Variants in ZNF331 observed in about 807,000 individuals in gnomAD.
The protein encoded by ZNF331 is C2H2-like zinc finger protein rearranged in thyroid adenomas.
Under a neutral mutation model 7.0 loss-of-function variants are expected in ZNF331, and 2 were observed. The ratio of observed to expected loss-of-function variants is 0.29; its 90% CI spans 0.12 to 0.90. The LOEUF is 0.90. Among genes scored for constraint, ZNF331 ranks in the 40% least tolerant of loss-of-function variants. The pLI is 0.58. For synonymous variants in ZNF331, 196 were observed against 205.4 expected (o/e 0.95, Z 0.39); for missense variants, 432 against 587.7 (o/e 0.74, Z 2.74).
At position 53,560,636 on chromosome 19, in the gene ZNF331, A is replaced by G. The variant is rs1207003654; in HGVS notation, c.-74+4728A>G. Among the ~76,000 whole-genome samples, 1 of 152,164 alleles carries G rather than the reference A, an allele frequency of 6.6e-6. No homozygotes were observed. The highest frequency in any genetic ancestry group is 1.9e-4 in the East Asian group (1 of 5,194). On this transcript the variant is annotated intron_variant, in intron 3 of 5. Transcript: ENST00000449416. This position sits in a 1 kb window ranked among gnomAD's most constrained non-coding sequence, Gnocchi z 4.3. ...AAGTGGGTCTCACCGGGCTAAAACC[A>G]GGTTGTTGGAGGCTGTAGGAGATAT...
At chr19:53,570,089 G>A (rs1449615378) in intron 4 of ZNF331, among the ~76,000 whole-genome samples, 1 of 151,904 alleles carries the variant, frequency 6.6e-6, no homozygotes, top group Non-Finnish European at 1.5e-5. Context: ...AACCTCATCT[G>A]TACTAAAAAT....
chr19:53,572,550 TTATA>T (rs149296492), intron 5 of ZNF331, among the ~76,000 whole-genome samples: 1 of 105,802 alleles, frequency 9.5e-6, no homozygotes, highest in South Asian at 2.4e-4. Flanking sequence ...CACATATATA[TTATA>T]TATACACACA....
At chr19:53,506,324 G>C in the ZNF331 span, among the ~76,000 whole-genome samples, 1 of 82,536 alleles carries the variant, frequency 1.2e-5, no homozygotes, top group Non-Finnish European at 2.4e-5. Context: ...GACAGAGCGA[G>C]ACTCCGTCTC....
At chr19:53,506,118 G>A in the ZNF331 span, among the ~76,000 whole-genome samples, 2 of 151,370 alleles carry the variant, frequency 1.3e-5, no homozygotes, top group East Asian at 2.0e-4. Context: ...GGTGGATCAC[G>A]AGGTCAGGAG....
chr19:53,571,409 G>A lies in ZNF331; in HGVS notation c.10-195G>A, dbSNP rs904426913. Among the ~76,000 whole-genome samples the A allele has an allele frequency of 4.6e-5, 7 of 152,086 alleles. No homozygotes were observed. The highest frequency in any genetic ancestry group is 7.4e-5 in the Non-Finnish European group (5 of 68,020). ...ACAGTAAAGTCATTTTCTCTGCAGC[G>A]GTAGAGCTCTTCAGTGACATGCAGG... On this transcript the variant is annotated intron_variant, in intron 4 of 5. Transcript: ENST00000449416. The surrounding 1 kb of genome is among the most constrained non-coding windows in gnomAD (Gnocchi z 4.7).
intron 3 of ZNF331, among the ~76,000 whole-genome samples, chr19:53,564,079 T>C (rs1345675461): frequency 7.1e-6 from 1 of 140,174 alleles, no homozygotes; most frequent in East Asian, 2.0e-4. Context: ...GCATTCTTTT[T>C]TTTTTTTTTT....
chr19:53,526,002 T>C (rs180971650), intron 2 of ZNF331, among the ~76,000 whole-genome samples: 61 of 152,384 alleles, frequency 4.0e-4, no homozygotes, highest in Admixed American at 3.6e-3. Context: ...TTGAATTTTG[T>C]CAGATGCTTT....
chr19:53,516,011 A>G (rs1401227015), upstream of ZNF331, among the ~76,000 whole-genome samples: 1 of 152,228 alleles, frequency 6.6e-6, no homozygotes, highest in Non-Finnish European at 1.5e-5. Context: ...AAAAGCTGGT[A>G]GATGTTATGC....
At chr19:53,534,154 A>G (rs1437709053), upstream of ZNF331, among the ~76,000 whole-genome samples, 2 of 152,178 alleles carry the variant, frequency 1.3e-5, no homozygotes. Context: ...CTAGAAGTCA[A>G]AAGTCTAAAG....
In ZNF331 at chr19:53,542,036, T is replaced by C. The variant is rs552657635; in HGVS notation, c.-138+2754T>C. On this transcript the variant is annotated intron_variant, in intron 2 of 5. Coordinates refer to ENST00000449416, the MANE Select transcript of ZNF331 (RefSeq NM_001079906.2). ...AACAAGAAAAAAACATCTGAAATGG[T>C]ATTTATGTTTCTAGGCCTCTTCTTT... Among the ~76,000 whole-genome samples, 6 of 151,900 alleles carry C rather than the reference T, an allele frequency of 3.9e-5. No homozygotes were observed. The East Asian group carries it at 9.7e-4, about 24-fold the overall frequency.
At chr19:53,518,630 A>G (rs1428221911), upstream of ZNF331, among the ~76,000 whole-genome samples, 1 of 152,248 alleles carries the variant, frequency 6.6e-6, no homozygotes, top group African/African-American at 2.4e-5. Context: ...CAAACCATAC[A>G]TAGTAGTGTA....
At position 53,571,820 on chromosome 19, in the gene ZNF331, T is replaced by C. The variant is rs138292974; in HGVS notation, c.136+90T>C. 2.0e-6 allele frequency: 3 copies of C among 1,484,666 alleles called. No homozygotes were observed. The African/African-American group carries it at 4.2e-5, about 21-fold the overall frequency. The allele number at this position is 1,484,666 out of a possible 1,614,324, so 92.0% of individuals were successfully genotyped here. ...CAGGACCGCCTTTCAAGAAACTAGTTGAATTTCTTCTTCCTGTCCCCAAGG... is the reference window on the plus strand; with the variant it reads ...CAGGACCGCCTTTCAAGAAACTAGTCGAATTTCTTCTTCCTGTCCCCAAGG... On this transcript the variant is annotated intron_variant, in intron 5 of 5. Coordinates refer to ENST00000449416, the MANE Select transcript of ZNF331 (RefSeq NM_001079906.2). This position sits in a 1 kb window ranked among gnomAD's most constrained non-coding sequence, Gnocchi z 4.7.
At chr19:53,552,719 C>T (rs561950436) in intron 2 of ZNF331, among the ~76,000 whole-genome samples, 6 of 152,100 alleles carry the variant, frequency 3.9e-5, no homozygotes, top group Admixed American at 2.0e-4. Flanking sequence ...GGTGACAAAG[C>T]GAGACCCTGT....
upstream of ZNF331, among the ~76,000 whole-genome samples, chr19:53,520,523 G>T (rs59881899): frequency 2.6e-5 from 4 of 152,272 alleles, no homozygotes; most frequent in African/African-American, 9.6e-5. Context: ...AGGCCGACAG[G>T]GCTTCCAGCA....
intron 3 of ZNF331, among the ~76,000 whole-genome samples, chr19:53,556,610 C>G (rs773213146): frequency 5.9e-5 from 9 of 151,660 alleles, no homozygotes; most frequent in Non-Finnish European, 1.0e-4. Flanking sequence ...CAGATGTGAG[C>G]CACCATGTTG....
intron 3 of ZNF331, among the ~76,000 whole-genome samples, chr19:53,562,987 TAAAA>T (rs994705322): frequency 1.3e-5 from 2 of 151,520 alleles, no homozygotes; most frequent in Non-Finnish European, 2.9e-5. Flanking sequence ...GACTGTCTCT[TAAAA>T]AAACAAAAAA....
chr19:53,505,932 C>T, the ZNF331 span, among the ~76,000 whole-genome samples: 7 of 151,688 alleles, frequency 4.6e-5, no homozygotes, highest in East Asian at 1.9e-4. Flanking sequence ...TCGCACTAGC[C>T]GAGATCGTGC....
chr19:53,536,821 T>C (rs2147289838), upstream of ZNF331, among the ~76,000 whole-genome samples: 1 of 152,312 alleles, frequency 6.6e-6, no homozygotes, highest in East Asian at 1.9e-4. Flanking sequence ...GAGAACCCCT[T>C]GAACCCAGGA....
At chr19:53,544,638 T>G (rs534317423) in intron 2 of ZNF331, among the ~76,000 whole-genome samples, 37 of 152,166 alleles carry the variant, frequency 2.4e-4, no homozygotes, top group Non-Finnish European at 4.3e-4. Flanking sequence ...GATACTGCTA[T>G]TTTTTTCGTT....
Sources: gnomAD v4.1 joint callset for allele counts (sites outside exome capture counted in the v4.1 genomes callset) on GRCh38, gnomAD v4.1.1 for gene constraint, Gnocchi (gnomAD v3.1) non-coding constraint, MANE v1.5 for transcripts, NCBI Gene and HGNC (gene_info 2026-07-23, HGNC 2026-07-21) for gene names.